The following MARCHF1 variants were observed in gnomAD, a reference collection of about 807,000 sequenced individuals.
The protein encoded by MARCHF1 is membrane associated ring-CH-type finger 1.
Under a neutral mutation model 54.2 loss-of-function variants are expected in MARCHF1, and 40 were observed. That is an observed-to-expected ratio of 0.74 (90% CI 0.57 to 0.96). MARCHF1 has a LOEUF of 0.96. MARCHF1 is among the 40% of genes least tolerant of loss of function. The pLI, the probability that MARCHF1 is intolerant of heterozygous loss-of-function variation, is 0.00. For synonymous variants in MARCHF1, 236 were observed against 236.3 expected (o/e 1.00, Z 0.01); for missense variants, 586 against 656.5 (o/e 0.89, Z 1.17).
intron 8 of MARCHF1, among the ~76,000 whole-genome samples, chr4:163,556,681 G>T (rs1157159721): frequency 6.6e-6 from 1 of 151,676 alleles, no homozygotes; most frequent in Non-Finnish European, 1.5e-5. Context: ...TTAAATGAGA[G>T]CCTGTGAAAC....
At chr4:164,215,630 A>G (rs1449703365) in intron 1 of MARCHF1, among the ~76,000 whole-genome samples, 1 of 152,152 alleles carries the variant, frequency 6.6e-6, no homozygotes, top group East Asian at 1.9e-4. Context: ...TCCGTTCCGT[A>G]TCAAAATCAC....
chr4:164,210,198 G>A (rs6814420), intron 1 of MARCHF1, among the ~76,000 whole-genome samples: 114,504 of 152,130 alleles, frequency 0.75, 43,796 homozygotes, highest in African/African-American at 0.88. Flanking sequence ...TAAGAAAACT[G>A]TGACATTTTC....
At chr4:164,233,580 G>A (rs1166836256) in intron 1 of MARCHF1, among the ~76,000 whole-genome samples, 1 of 152,092 alleles carries the variant, frequency 6.6e-6, no homozygotes, top group African/African-American at 2.4e-5. Context: ...CCACGGGACA[G>A]GACTGGTGGC....
At chr4:164,140,468 C>T (rs1445188994) in intron 1 of MARCHF1, among the ~76,000 whole-genome samples, 1 of 151,964 alleles carries the variant, frequency 6.6e-6, no homozygotes, top group Non-Finnish European at 1.5e-5. Context: ...GATGCCAGAC[C>T]CCTCACCCAC....
At chr4:163,692,470 C>A (rs1744492849) in intron 5 of MARCHF1, among the ~76,000 whole-genome samples, 1 of 152,074 alleles carries the variant, frequency 6.6e-6, no homozygotes, top group African/African-American at 2.4e-5. Flanking sequence ...GGCAAATGCC[C>A]TGAAAACAAA....
At chr4:164,066,612 C>T (rs1220968150) in intron 2 of MARCHF1, among the ~76,000 whole-genome samples, 1 of 152,138 alleles carries the variant, frequency 6.6e-6, no homozygotes, top group East Asian at 1.9e-4. Context: ...GAAATGAAAT[C>T]AACCTAAATG....
chr4:163,785,788 C>T (rs938241716), intron 4 of MARCHF1, among the ~76,000 whole-genome samples: 1 of 151,878 alleles, frequency 6.6e-6, no homozygotes, highest in African/African-American at 2.4e-5. Flanking sequence ...ATGTCCACAT[C>T]CAAATTCCCA....
chr4:164,291,132 T>A (rs60453896), intron 1 of MARCHF1, among the ~76,000 whole-genome samples: 6,913 of 152,012 alleles, frequency 0.045, 427 homozygotes, highest in African/African-American at 0.14. Flanking sequence ...TATGATCAGA[T>A]TACAAATTTA....
chr4:164,019,514 C>G (rs1753615675), intron 2 of MARCHF1, among the ~76,000 whole-genome samples: 1 of 152,134 alleles, frequency 6.6e-6, no homozygotes, highest in African/African-American at 2.4e-5. Flanking sequence ...GGAAATAGAA[C>G]ACTGCAATCT....
chr4:164,045,491 G>T (rs1297034520), intron 2 of MARCHF1, among the ~76,000 whole-genome samples: 1 of 150,092 alleles, frequency 6.7e-6, no homozygotes, highest in Non-Finnish European at 1.5e-5. Flanking sequence ...CAGCCTGGGT[G>T]GTGGAGTGAG....
rs1169984458 is a variant in MARCHF1, at chr4:164,313,190, A to AC, written c.-323+70679_-323+70680insG. Reference sequence around the variant, plus strand: ...CGTCTCTACTAAAAATACAAAAAAAAAAAAAAAAATCAGCCAGGGGTGGTG... The same window carrying AC: ...CGTCTCTACTAAAAATACAAAAAAAACAAAAAAAAATCAGCCAGGGGTGGTG... On this transcript the variant is annotated intron_variant, in intron 1 of 9. Transcript: ENST00000514618. 1.9e-4 allele frequency among the ~76,000 whole-genome samples: 28 copies of AC among 150,630 alleles called. 1 individual carries two copies. The highest frequency in any genetic ancestry group is 1.9e-3 in the Admixed American group (28 of 15,078).
At chr4:163,906,181 C>T (rs1432656934) in intron 3 of MARCHF1, among the ~76,000 whole-genome samples, 1 of 151,968 alleles carries the variant, frequency 6.6e-6, no homozygotes, top group Non-Finnish European at 1.5e-5. Context: ...AAATTGTTCC[C>T]TCCTCCACAG....
At chr4:163,872,914 G>C (rs577738828) in intron 3 of MARCHF1, among the ~76,000 whole-genome samples, 3 of 151,934 alleles carry the variant, frequency 2.0e-5, no homozygotes, top group South Asian at 2.1e-4. Context: ...CGTGGTGGCG[G>C]GCGCCTGTAG....
At chr4:163,552,700 G>C (rs148457153) in intron 8 of MARCHF1, among the ~76,000 whole-genome samples, 1 of 152,320 alleles carries the variant, frequency 6.6e-6, no homozygotes, top group Non-Finnish European at 1.5e-5. Context: ...GTGCAGCTGT[G>C]TGGTGTATTC....
chr4:163,951,956 G>A (rs577324831), intron 3 of MARCHF1, among the ~76,000 whole-genome samples: 3 of 152,080 alleles, frequency 2.0e-5, no homozygotes, highest in Non-Finnish European at 4.4e-5. Context: ...AAAAGCACCC[G>A]TGTTTCCTTG....
intron 2 of MARCHF1, among the ~76,000 whole-genome samples, chr4:164,095,589 A>T (rs1755394157): frequency 6.6e-6 from 1 of 152,166 alleles, no homozygotes. Flanking sequence ...ACATAATACA[A>T]TTATAATAAA....
At chr4:163,759,650 T>C (rs184789770) in intron 4 of MARCHF1, among the ~76,000 whole-genome samples, 8 of 152,320 alleles carry the variant, frequency 5.3e-5, no homozygotes, top group African/African-American at 7.2e-5. Context: ...TCAAAGGATA[T>C]AATGCAGTGG....
intron 1 of MARCHF1, among the ~76,000 whole-genome samples, chr4:164,209,244 T>G (rs940686819): frequency 7.2e-5 from 11 of 152,120 alleles, no homozygotes; most frequent in Non-Finnish European, 1.5e-4. Flanking sequence ...CAGAAGAATC[T>G]CCTCCAAATA....
At chr4:164,167,481 T>C (rs937342284) in intron 1 of MARCHF1, among the ~76,000 whole-genome samples, 14 of 151,482 alleles carry the variant, frequency 9.2e-5, no homozygotes, top group African/African-American at 3.2e-4. Context: ...AAACCAATAC[T>C]GAGAAAGAAA....
Sources: gnomAD v4.1 joint callset for allele counts (sites outside exome capture counted in the v4.1 genomes callset) on GRCh38, gnomAD v4.1.1 for gene constraint, MANE v1.5 for transcripts, NCBI Gene and HGNC (gene_info 2026-07-23, HGNC 2026-07-21) for gene names.